Variants in LEPROTL1 observed in about 807,000 individuals in gnomAD.
LEPROTL1 encodes leptin receptor overlapping transcript like 1, also known as leptin receptor overlapping transcript-like 1.
LEPROTL1 carries 6 observed loss-of-function variants against 15.4 expected under a neutral mutation model. That is an observed-to-expected ratio of 0.39 (90% CI 0.21 to 0.77). LEPROTL1 has a LOEUF of 0.77. Among genes scored for constraint, LEPROTL1 ranks in the 30% least tolerant of loss-of-function variants. The pLI is 0.41. For synonymous variants in LEPROTL1, 56 were observed against 52.6 expected (o/e 1.06, Z -0.28); for missense variants, 128 against 158.1 (o/e 0.81, Z 1.02).
At chr8:30,103,025 G>T (rs539930866) in intron 2 of LEPROTL1, among the ~76,000 whole-genome samples, 3 of 152,270 alleles carry the variant, frequency 2.0e-5, no homozygotes, top group East Asian at 1.9e-4. Flanking sequence ...TATATTTAGT[G>T]GGGGAGAGTA....
At chr8:30,130,280 T>C (rs2117527346) in intron 3 of LEPROTL1, among the ~76,000 whole-genome samples, 1 of 152,318 alleles carries the variant, frequency 6.6e-6, no homozygotes, top group South Asian at 2.1e-4. Context: ...CAAGCATGTA[T>C]TTCTTTTAGT....
chr8:30,105,804 T>C lies in LEPROTL1; in HGVS notation c.338T>C (p.Ile113Thr). ...LTGNTVIFAT[I>T]LGFFLVFGSN... ...GGAAACACAGTCATCTTTGCAACTA[T>C]ACTAGGCTTTTTCTTGGTCTTTGGA... is the stretch of plus-strand genomic sequence containing the variant. The change falls in exon 4 of 4, where the codon ATA (isoleucine) becomes ACA (threonine). Residue 113 changes from isoleucine to threonine, a missense_variant. Coordinates refer to ENST00000321250, the MANE Select transcript of LEPROTL1 (RefSeq NM_015344.3). 6.3e-7 allele frequency: 1 copy of C among 1,581,762 alleles called. No homozygotes were observed. Among genetic ancestry groups the C allele is most frequent in the African/African-American group, 1.4e-5 (1 of 72,582 alleles).
chr8:30,135,312 T>C (rs933273304), intron 4 of LEPROTL1, among the ~76,000 whole-genome samples: 9 of 152,190 alleles, frequency 5.9e-5, no homozygotes, highest in African/African-American at 2.2e-4. Flanking sequence ...AGGAACATTG[T>C]GGGAAATGTT....
intron 3 of LEPROTL1, among the ~76,000 whole-genome samples, chr8:30,127,658 G>T (rs1802924784): frequency 7.4e-6 from 1 of 135,514 alleles, no homozygotes; most frequent in South Asian, 2.5e-4. Context: ...GACAGAGTGA[G>T]ACCCTGTCTC....
At chr8:30,127,857 A>G (rs1355163533) in intron 3 of LEPROTL1, among the ~76,000 whole-genome samples, 1 of 151,974 alleles carries the variant, frequency 6.6e-6, no homozygotes, top group Non-Finnish European at 1.5e-5. Flanking sequence ...AGGATATTCC[A>G]GAAGGTTAGT....
chr8:30,101,910 T>C lies in LEPROTL1; in HGVS notation c.29T>C (p.Leu10Ser). Residue 10 changes from leucine (L) to serine (S), a missense_variant, in exon 2 of 4, where the codon TTG becomes TCG. Coordinates refer to ENST00000321250, the MANE Select transcript of LEPROTL1 (RefSeq NM_015344.3). Reference sequence around the variant, plus strand: ...ATTTGCTTTGCAGCTTTGATTAGTTTGTCCTTTGGAGGAGCAATCGGACTG... The same window carrying C: ...ATTTGCTTTGCAGCTTTGATTAGTTCGTCCTTTGGAGGAGCAATCGGACTG... Reference protein sequence around the residue: MAGIKALISLSFGGAIGLMF... With the variant: MAGIKALISSSFGGAIGLMF... 1.2e-6 allele frequency: 2 copies of C among 1,605,186 alleles called. No homozygotes were observed. Among genetic ancestry groups the C allele is most frequent in the Non-Finnish European group, 1.7e-6 (2 of 1,173,974 alleles).
At chr8:30,102,022 A>G in intron 2 of LEPROTL1, 49 bp downstream of exon 2, 2 of 1,214,018 alleles carry the variant, frequency 1.6e-6, no homozygotes, top group Non-Finnish European at 2.4e-6. Flanking sequence ...AAATTTTTCT[A>G]CTTTTAAAGC....
chr8:30,116,397 G>A lies in LEPROTL1; in HGVS notation c.279+11911G>A, dbSNP rs536158660. On this transcript the variant is annotated intron_variant, in intron 3 of 4. Transcript: ENST00000442880. ...ACAGGGAGGCGGGGGATGGTTTTGGGATGAAACCGTTCCACCTCAGATCAT... is the reference window on the plus strand; with the variant it reads ...ACAGGGAGGCGGGGGATGGTTTTGGAATGAAACCGTTCCACCTCAGATCAT... 4.0e-4 allele frequency among the ~76,000 whole-genome samples: 61 copies of A among 152,262 alleles called. 1 individual carries two copies. Among genetic ancestry groups the A allele is most frequent in the African/African-American group, 1.4e-3 (58 of 41,548 alleles).
intron 3 of LEPROTL1, among the ~76,000 whole-genome samples, chr8:30,124,404 A>G (rs571732793): frequency 3.9e-5 from 6 of 152,296 alleles, no homozygotes; most frequent in Non-Finnish European, 7.4e-5. Flanking sequence ...TTCTGAACAC[A>G]TGGCTGTTCT....
At chr8:30,118,082 T>G (rs1291159894) in intron 3 of LEPROTL1, among the ~76,000 whole-genome samples, 1 of 137,192 alleles carries the variant, frequency 7.3e-6, no homozygotes, top group Non-Finnish European at 1.5e-5. Context: ...TGCAGAGCAG[T>G]GGCAGAATCT....
intron 4 of LEPROTL1, among the ~76,000 whole-genome samples, chr8:30,134,384 C>T (rs894826084): frequency 6.6e-6 from 1 of 151,614 alleles, no homozygotes; most frequent in African/African-American, 2.4e-5. Context: ...GATTGTGTCA[C>T]TGCATTCCAG....
chr8:30,109,342 A>G (rs1373313278), downstream of LEPROTL1, among the ~76,000 whole-genome samples: 2 of 152,174 alleles, frequency 1.3e-5, no homozygotes. Context: ...ATTTTATTAC[A>G]GGTCTGTTCA....
intron 3 of LEPROTL1, among the ~76,000 whole-genome samples, chr8:30,129,727 A>T (rs948919968): frequency 6.7e-6 from 1 of 148,492 alleles, no homozygotes; most frequent in African/African-American, 2.5e-5. Flanking sequence ...ACACACACAC[A>T]CACACACACA....
intron 3 of LEPROTL1, chr8:30,105,142 G>A (rs1802541233): frequency 6.6e-6 from 1 of 152,354 alleles, no homozygotes; most frequent in Admixed American, 6.5e-5. Context: ...AGGCAGAAAA[G>A]CACTGAAGAG....
chr8:30,101,846 TA>T, intron 1 of LEPROTL1, 51 bp from the exon 2 acceptor site: 1 of 1,134,848 alleles, frequency 8.8e-7, no homozygotes. Context: ...CTGATATTAA[TA>T]AAAATAATAT....
chr8:30,122,424 G>A (rs1320373825), intron 3 of LEPROTL1, among the ~76,000 whole-genome samples: 6 of 152,092 alleles, frequency 3.9e-5, no homozygotes, highest in Admixed American at 1.3e-4. Flanking sequence ...GGGATTATTG[G>A]CCTGTACCAC....
Position 30,107,681 on chromosome 8 carries a change from A to G in LEPROTL1, c.*1819A>G. On this transcript the variant is annotated 3_prime_UTR_variant, in exon 4 of 4. Transcript: ENST00000321250. ...TTATAATGTTCAGATTTCAAGAGGA[A>G]GGTGCAGGTACACATGAGTTAGAGA... The G allele has an allele frequency of 2.0e-6, 2 of 985,562 alleles. No individual in the cohort carries two copies. Among genetic ancestry groups the G allele is most frequent in the Non-Finnish European group, 2.4e-6 (2 of 829,930 alleles). The allele number at this position is 985,562 out of a possible 1,614,324, so 61.1% of individuals were successfully genotyped here.
chr8:30,115,392 G>A (rs1002587827), intron 3 of LEPROTL1, among the ~76,000 whole-genome samples: 1 of 151,320 alleles, frequency 6.6e-6, no homozygotes, highest in African/African-American at 2.4e-5. Context: ...CCCCAGATAT[G>A]ATGTACTGAA....
At chr8:30,122,348 G>C (rs796255632) in intron 3 of LEPROTL1, among the ~76,000 whole-genome samples, 16 of 152,272 alleles carry the variant, frequency 1.1e-4, no homozygotes, top group African/African-American at 3.9e-4. Flanking sequence ...GTGTCACTAT[G>C]TTGACCAGGC....
Sources: gnomAD v4.1 joint callset for allele counts (sites outside exome capture counted in the v4.1 genomes callset) on GRCh38, gnomAD v4.1.1 for gene constraint, MANE v1.5 for transcripts, NCBI Gene and HGNC (gene_info 2026-07-23, HGNC 2026-07-21) for gene names.